SYCP2: variants seen among roughly 807,000 people sequenced by gnomAD.
The protein encoded by SYCP2 is synaptonemal complex protein 2, also known as synaptonemal complex lateral element protein.
In SYCP2, 55 loss-of-function variants were observed where a neutral mutation model predicts 211.3. The ratio of observed to expected loss-of-function variants is 0.26; its 90% CI spans 0.21 to 0.33. SYCP2 has a LOEUF of 0.33. Among genes scored for constraint, SYCP2 ranks in the 10% least tolerant of loss-of-function variants. The pLI is 1.00. For synonymous variants in SYCP2, 570 were observed against 555.2 expected (o/e 1.03, Z -0.37); for missense variants, 1,731 against 1,752.0 (o/e 0.99, Z 0.21).
chr20:59,868,519 T>C lies in SYCP2; in HGVS notation c.3882A>G (p.Leu1294=). 3 of 1,611,018 alleles carry C rather than the reference T, an allele frequency of 1.9e-6. No individual in the cohort carries two copies. The South Asian group carries it at 3.3e-5, about 18-fold the overall frequency. The change falls in exon 38 of 45, where the codon CTA becomes CTG. Residue 1294 remains leucine (L), a synonymous_variant. Transcript: ENST00000357552. ...CCATTTCTACTTCATTGGAATTACT[T>C]AGATTATCTTCTATATATATTCTTT... The part of the protein sequence containing the change: ...SRKRIYIEDN[L]SNSNEVEMEE...
chr20:59,871,737 G>C (rs2059455697), intron 35 of SYCP2, among the ~76,000 whole-genome samples: 1 of 151,742 alleles, frequency 6.6e-6, no homozygotes, highest in Non-Finnish European at 1.5e-5. Flanking sequence ...ATATACATAA[G>C]TAATCTCTAG....
At chr20:59,921,797 C>T (rs528535115) in intron 3 of SYCP2, among the ~76,000 whole-genome samples, 1 of 151,316 alleles carries the variant, frequency 6.6e-6, no homozygotes, top group South Asian at 2.1e-4. Context: ...AAAAGCCTAG[C>T]ATACCTGACT....
chr20:59,871,127 A>C (rs2059444120), intron 35 of SYCP2, among the ~76,000 whole-genome samples: 2 of 152,036 alleles, frequency 1.3e-5, no homozygotes, highest in Admixed American at 6.6e-5. Flanking sequence ...GAATATCCAG[A>C]ATATATTAAG....
chr20:59,866,738 G>A, intron 39 of SYCP2, 149 bp from the exon 40 acceptor site: 2 of 604,900 alleles, frequency 3.3e-6, no homozygotes, highest in South Asian at 2.2e-5. Context: ...TATTTAAACT[G>A]AAGTGTTAAT....
intron 26 of SYCP2, among the ~76,000 whole-genome samples, chr20:59,884,276 AG>A (rs2059743185): frequency 6.6e-6 from 1 of 152,058 alleles, no homozygotes; most frequent in Non-Finnish European, 1.5e-5. Context: ...CATGTAAAAG[AG>A]TCAAAAAGCT....
intron 12 of SYCP2, among the ~76,000 whole-genome samples, chr20:59,913,677 G>A (rs1266929257): frequency 6.6e-6 from 1 of 151,992 alleles, no homozygotes; most frequent in African/African-American, 2.4e-5. Context: ...CAACTCAGAA[G>A]TATAGTAAGC....
intron 1 of SYCP2, among the ~76,000 whole-genome samples, chr20:59,932,629 G>A (rs146936853): frequency 1.3e-5 from 2 of 152,060 alleles, no homozygotes; most frequent in African/African-American, 2.4e-5. Flanking sequence ...ACGCGAGATC[G>A]CACCACTAAA....
At position 59,886,704 on chromosome 20, in the gene SYCP2, T is replaced by A. The variant is rs756836898; in HGVS notation, c.2492+3A>T. On this transcript the variant is annotated splice_donor_region_variant and intron_variant, in intron 25 of 44. Coordinates refer to ENST00000357552, the MANE Select transcript of SYCP2 (RefSeq NM_014258.4). ...TATTCATGTCTGAAATTTAAGAACA[T>A]ACCTGTTAATCAAAGACTCCTTTAA... 4.6e-5 allele frequency: 71 copies of A among 1,545,584 alleles called. No individual in the cohort carries two copies. The highest frequency in any genetic ancestry group is 5.7e-5 in the Non-Finnish European group (66 of 1,149,618).
At chr20:59,924,678 ATATTT>A (rs200137462) in intron 2 of SYCP2, among the ~76,000 whole-genome samples, 1,954 of 152,156 alleles carry the variant, frequency 0.013, 32 homozygotes, top group South Asian at 0.044. Flanking sequence ...CAAAAATATT[ATATTT>A]TAAGAGATAT....
In SYCP2 at chr20:59,919,147, G is replaced by T; in HGVS notation, c.427+11C>A. The T allele has an allele frequency of 8.0e-7, 1 of 1,249,732 alleles. No homozygotes were observed. Among genetic ancestry groups the T allele is most frequent in the Non-Finnish European group, 1.1e-6 (1 of 879,022 alleles). The allele number at this position is 1,249,732 out of a possible 1,614,324, so 77.4% of individuals were successfully genotyped here. On this transcript the variant is annotated intron_variant, in intron 7 of 44. Transcript: ENST00000357552. Reference sequence around the variant, plus strand: ...TTTATTGTTCCAATAGAAAATAAGTGTTTATTATACCTTCATCACTGACAT... The same window carrying T: ...TTTATTGTTCCAATAGAAAATAAGTTTTTATTATACCTTCATCACTGACAT...
intron 14 of SYCP2, among the ~76,000 whole-genome samples, chr20:59,908,421 T>C (rs917126522): frequency 6.6e-6 from 1 of 152,160 alleles, no homozygotes; most frequent in African/African-American, 2.4e-5. Context: ...ACCACCTTTT[T>C]CCCTTACCTC....
At chr20:59,928,710 C>A (rs1281404939) in intron 2 of SYCP2, among the ~76,000 whole-genome samples, 1 of 152,042 alleles carries the variant, frequency 6.6e-6, no homozygotes, top group South Asian at 2.1e-4. Flanking sequence ...TTTCGCAAAT[C>A]GGGAAAGGTA....
chr20:59,901,493 C>T lies in SYCP2; in HGVS notation c.1182+169G>A, dbSNP rs563537165. 1.1e-4 allele frequency among the ~76,000 whole-genome samples: 16 copies of T among 152,104 alleles called. No individual in the cohort carries two copies. The East Asian group carries it at 3.1e-3, about 29-fold the overall frequency. ...ATCTGAGATACTTTGTAATGGGTATCTCAATAGATATGACTAACAAGCTGA... is the reference window on the plus strand; with the variant it reads ...ATCTGAGATACTTTGTAATGGGTATTTCAATAGATATGACTAACAAGCTGA... On this transcript the variant is annotated intron_variant, in intron 16 of 44. Coordinates refer to ENST00000357552, the MANE Select transcript of SYCP2 (RefSeq NM_014258.4).
intron 4 of SYCP2, among the ~76,000 whole-genome samples, 167 bp downstream of exon 4, chr20:59,921,143 T>TCAAA (rs554832587): frequency 4.6e-5 from 7 of 151,632 alleles, no homozygotes; most frequent in African/African-American, 7.2e-5. Flanking sequence ...TTGAGATTCC[T>TCAAA]CAAACAAACA....
At chr20:59,868,229 T>TGG (rs1213744939) in intron 38 of SYCP2, among the ~76,000 whole-genome samples, 184 bp downstream of exon 38, 1 of 151,818 alleles carries the variant, frequency 6.6e-6, no homozygotes, top group Non-Finnish European at 1.5e-5. Context: ...GGGAGATCTA[T>TGG]GGGCATCTAA....
At chr20:59,925,229 G>A (rs932368031) in intron 2 of SYCP2, among the ~76,000 whole-genome samples, 2 of 151,968 alleles carry the variant, frequency 1.3e-5, no homozygotes, top group Non-Finnish European at 2.9e-5. Flanking sequence ...GCAGCAGGAG[G>A]GAGAGCATTA....
intron 18 of SYCP2, among the ~76,000 whole-genome samples, chr20:59,897,850 G>A (rs533566117): frequency 3.9e-5 from 6 of 152,208 alleles, no homozygotes; most frequent in South Asian, 2.1e-4. Context: ...TTGGGAGGCC[G>A]AGAAGGGCAG....
At chr20:59,913,194 T>C (rs547141421) in intron 12 of SYCP2, among the ~76,000 whole-genome samples, 28 of 152,336 alleles carry the variant, frequency 1.8e-4, no homozygotes, top group South Asian at 1.4e-3. Flanking sequence ...ATAGTTAGCA[T>C]ATTATCTCAT....
chr20:59,924,272 C>T (rs2060593310), intron 2 of SYCP2, among the ~76,000 whole-genome samples: 1 of 151,996 alleles, frequency 6.6e-6, no homozygotes, highest in Non-Finnish European at 1.5e-5. Flanking sequence ...TCTTAGTTCA[C>T]AACTTACTAT....
Sources: gnomAD v4.1 joint callset for allele counts (sites outside exome capture counted in the v4.1 genomes callset) on GRCh38, gnomAD v4.1.1 for gene constraint, MANE v1.5 for transcripts, NCBI Gene and HGNC (gene_info 2026-07-23, HGNC 2026-07-21) for gene names.